Variants in PRMT2 observed in about 807,000 individuals in gnomAD.
The protein encoded by PRMT2 is protein arginine N-methyltransferase 2.
A neutral mutation model predicts 57.6 loss-of-function variants in PRMT2; 26 were observed. That is an observed-to-expected ratio of 0.45 (90% CI 0.33 to 0.63). PRMT2 has a LOEUF of 0.63. Among genes scored for constraint, PRMT2 ranks in the 20% least tolerant of loss-of-function variants. The probability of loss-of-function intolerance (pLI) is 0.02; values close to 1 mark genes in which losing one functional copy is unlikely to be tolerated. For synonymous variants in PRMT2, 219 were observed against 220.0 expected (o/e 1.00, Z 0.04); for missense variants, 472 against 564.4 (o/e 0.84, Z 1.66).
In PRMT2 at chr21:46,648,154, A is replaced by G. The variant is rs1215694568; in HGVS notation, c.328-304A>G. 6.6e-6 allele frequency among the ~76,000 whole-genome samples: 1 copy of G among 152,162 alleles called. No individual in the cohort carries two copies. Among genetic ancestry groups the G allele is most frequent in the Non-Finnish European group, 1.5e-5 (1 of 68,036 alleles). On this transcript the variant is annotated intron_variant, in intron 5 of 11. Coordinates refer to ENST00000355680, the MANE Select transcript of PRMT2 (RefSeq NM_206962.4). This position sits in a 1 kb window ranked among gnomAD's most constrained non-coding sequence, Gnocchi z 4.8. ...TCTCTGATTACTTAAGCTTTGTTTA[A>G]TATCTCTTAGTATTTTAAGATAAGG...
rs1666553893 is a variant in PRMT2, at chr21:46,649,420, C to A, written c.490-155C>A. On this transcript the variant is annotated intron_variant, in intron 6 of 11. Transcript: ENST00000355680. This position sits in a 1 kb window ranked among gnomAD's most constrained non-coding sequence, Gnocchi z 4.8. ...TCCTTTCTGGGTGCCCCTGGAGGGG[C>A]AGGTGTGGCCAGTCCTCGCTGCCTC... 8.4e-7 allele frequency: 1 copy of A among 1,183,692 alleles called. No individual in the cohort carries two copies. The highest frequency in any genetic ancestry group is 1.2e-6 in the Non-Finnish European group (1 of 814,302). 73.3% of individuals were successfully genotyped at this position (1,183,692 alleles called of 1,614,324 possible).
At chr21:46,653,832 A>T (rs1188710485) in intron 7 of PRMT2, 11 of 1,041,814 alleles carry the variant, frequency 1.1e-5, no homozygotes, top group Non-Finnish European at 1.3e-5. Context: ...AGGACCGCTT[A>T]TGGCTACACT....
Position 46,648,732 on chromosome 21 carries a change from C to T in PRMT2, c.489+113C>T. ...TGAGCTGTTGGGGGCTCACCGGTGA[C>T]TCCATGGTCTTGTTGAGCACCCTGC... On this transcript the variant is annotated intron_variant, in intron 6 of 11. Coordinates refer to ENST00000355680, the MANE Select transcript of PRMT2 (RefSeq NM_206962.4). This position sits in a 1 kb window ranked among gnomAD's most constrained non-coding sequence, Gnocchi z 4.8. 2 of 1,366,468 alleles carry T rather than the reference C, an allele frequency of 1.5e-6. No individual in the cohort carries two copies. Among genetic ancestry groups the T allele is most frequent in the Non-Finnish European group, 2.0e-6 (2 of 990,362 alleles). The allele number at this position is 1,366,468 out of a possible 1,614,324, so 84.6% of individuals were successfully genotyped here.
chr21:46,663,366 G>A lies in PRMT2; in HGVS notation c.1098-17G>A, dbSNP rs1488870015. ...CCCTAGCTCAGCCTCCAGGTCACAC[G>A]CACCCCTGTCTTGCAGCACCACACA... On this transcript the variant is annotated splice_polypyrimidine_tract_variant and intron_variant, in intron 10 of 11. Coordinates refer to ENST00000355680, the MANE Select transcript of PRMT2 (RefSeq NM_206962.4). 24 of 1,600,364 alleles carry A rather than the reference G, an allele frequency of 1.5e-5. No homozygotes were observed. Among genetic ancestry groups the A allele is most frequent in the Non-Finnish European group, 2.0e-5 (23 of 1,170,182 alleles).
chr21:46,663,596 T>C (rs1236551859), intron 11 of PRMT2, 42 bp downstream of exon 11: 3 of 1,592,246 alleles, frequency 1.9e-6, no homozygotes, highest in Non-Finnish European at 2.6e-6. Flanking sequence ...TGGGTGCCGG[T>C]CCTCAGGGAG....
chr21:46,652,380 C>T, intron 7 of PRMT2: 3 of 1,081,190 alleles, frequency 2.8e-6, no homozygotes, highest in Non-Finnish European at 3.4e-6. Flanking sequence ...TAAAGAATTG[C>T]AGCTAAAGAA....
chr21:46,641,006 C>G (rs2061263181), intron 3 of PRMT2, among the ~76,000 whole-genome samples: 1 of 151,274 alleles, frequency 6.6e-6, no homozygotes, highest in Non-Finnish European at 1.5e-5. Context: ...CAAGAGTAGT[C>G]CCAGCTACTT....
rs536588222 is a variant in PRMT2, at chr21:46,648,122, C to T, written c.328-336C>T. On this transcript the variant is annotated intron_variant, in intron 5 of 11. Coordinates refer to ENST00000355680, the MANE Select transcript of PRMT2 (RefSeq NM_206962.4). This position sits in a 1 kb window ranked among gnomAD's most constrained non-coding sequence, Gnocchi z 4.8. ...AGAGCTGACATCTTTATAACATTGACTCTCAGTCTCTGATTACTTAAGCTT... is the reference window on the plus strand; with the variant it reads ...AGAGCTGACATCTTTATAACATTGATTCTCAGTCTCTGATTACTTAAGCTT... Among the ~76,000 whole-genome samples, 1 of 152,268 alleles carries T rather than the reference C, an allele frequency of 6.6e-6. No individual in the cohort carries two copies. The highest frequency in any genetic ancestry group is 2.4e-5 in the African/African-American group (1 of 41,548).
intron 8 of PRMT2, chr21:46,659,273 C>T (rs920241519): frequency 1.4e-5 from 14 of 1,023,346 alleles, no homozygotes; most frequent in East Asian, 1.9e-4. Flanking sequence ...ATGGAATCAG[C>T]GTCAGCGACA....
At chr21:46,659,463 T>C (rs1350069175) in intron 8 of PRMT2, 8 of 985,128 alleles carry the variant, frequency 8.1e-6, no homozygotes, top group Non-Finnish European at 9.6e-6. Flanking sequence ...TTGGAATCAA[T>C]TAGAAAGAGA....
intron 5 of PRMT2, among the ~76,000 whole-genome samples, chr21:46,645,198 C>T (rs907384267): frequency 0.019 from 1 of 52 alleles, no homozygotes; most frequent in Non-Finnish European, 0.042. Flanking sequence ...GCCTTGGAGG[C>T]CAAGGCTGCA....
intron 10 of PRMT2, among the ~76,000 whole-genome samples, chr21:46,662,176 C>T (rs910057621): frequency 5.9e-5 from 9 of 152,158 alleles, no homozygotes; most frequent in East Asian, 1.9e-4. Context: ...GCCTGGGCGT[C>T]CCTCCGACAA....
In PRMT2 at chr21:46,653,735, ACT is replaced by A. The variant is rs2061497538; in HGVS notation, c.654+3999_654+4000del. ...CACACGCACACACACAAAACCATCA[ACT>A]CTTCTGGATTCCTTGGTTTTAAAGC... On this transcript the variant is annotated intron_variant, in intron 7 of 11. Transcript: ENST00000355680. The A allele has an allele frequency of 2.1e-5, 25 of 1,211,618 alleles. No individual in the cohort carries two copies. The South Asian group carries it at 3.9e-4, about 19-fold the overall frequency. The allele number at this position is 1,211,618 out of a possible 1,614,324, so 75.1% of individuals were successfully genotyped here. A position where few individuals can be genotyped will look rare whatever the true frequency, so the allele number is the denominator to read the frequency against.
chr21:46,654,729 T>A (rs2061516663), intron 7 of PRMT2: 1 of 164,384 alleles, frequency 6.1e-6, no homozygotes, highest in Non-Finnish European at 1.3e-5. Context: ...AATCTAGAGA[T>A]GATTTAAAGT....
intron 7 of PRMT2, chr21:46,653,423 C>T (rs2061491137): frequency 1.0e-6 from 1 of 991,714 alleles, no homozygotes; most frequent in Non-Finnish European, 1.2e-6. Flanking sequence ...GGGACAGCTC[C>T]CCCTCAGCAA....
chr21:46,642,728 A>C (rs190811596), intron 3 of PRMT2, among the ~76,000 whole-genome samples: 1,637 of 152,300 alleles, frequency 0.011, 15 homozygotes, highest in African/African-American at 0.038. Flanking sequence ...GCTTATTCTT[A>C]TATAAAGTGA....
At position 46,663,922 on chromosome 21, in the gene PRMT2, C is replaced by G. The variant is rs1367256023; in HGVS notation, c.1269+368C>G. ...CTTTACACAGGCCTCTGTGGCTTCCCAGGCAGCAGTTAGTCTAGGCGTGTC... is the reference window on the plus strand; with the variant it reads ...CTTTACACAGGCCTCTGTGGCTTCCGAGGCAGCAGTTAGTCTAGGCGTGTC... On this transcript the variant is annotated intron_variant, in intron 11 of 11. Coordinates refer to ENST00000355680, the MANE Select transcript of PRMT2 (RefSeq NM_206962.4). 2.6e-5 allele frequency among the ~76,000 whole-genome samples: 4 copies of G among 152,146 alleles called. No homozygotes were observed. The East Asian group carries it at 7.7e-4, about 29-fold the overall frequency.
Position 46,660,682 on chromosome 21 carries a change from G to A in PRMT2, c.831-151G>A. The A allele has an allele frequency of 8.1e-6, 8 of 987,538 alleles. No individual in the cohort carries two copies. In the South Asian group the frequency reaches 1.3e-4, roughly 16 times the overall value. 61.2% of individuals were successfully genotyped at this position (987,538 alleles called of 1,614,324 possible). On this transcript the variant is annotated intron_variant, in intron 8 of 11. Coordinates refer to ENST00000355680, the MANE Select transcript of PRMT2 (RefSeq NM_206962.4). ...AGGCACCCAGGGCCTGTGGAGGCCT[G>A]AGGGCTGCTCTGGGGTTCCAGGGCC...
At chr21:46,643,822 C>G (rs1301966770) in intron 4 of PRMT2, among the ~76,000 whole-genome samples, 183 bp downstream of exon 4, 1 of 152,162 alleles carries the variant, frequency 6.6e-6, no homozygotes, top group Non-Finnish European at 1.5e-5. Flanking sequence ...TGTAAAGATA[C>G]GAGGCATGGA....
Sources: allele counts gnomAD v4.1 joint callset (sites outside exome capture counted in the v4.1 genomes callset), GRCh38; gene constraint gnomAD v4.1.1; non-coding constraint Gnocchi (gnomAD v3.1); transcripts MANE v1.5; gene names NCBI Gene and HGNC (gene_info 2026-07-23, HGNC 2026-07-21).